PRELID2: variants seen among roughly 807,000 people sequenced by gnomAD.
PRELID2 encodes the protein PRELI domain containing 2, also known as PRELI domain-containing protein 2.
In PRELID2, 25 loss-of-function variants were observed where a neutral mutation model predicts 28.4. The observed-to-expected ratio is 0.88, with a 90% CI of 0.64 to 1.23. The LOEUF is 1.23. PRELID2 is among the 50% of genes most tolerant of loss of function. The pLI is 0.00. For synonymous variants in PRELID2, 76 were observed against 71.6 expected (o/e 1.06, Z -0.31); for missense variants, 201 against 214.4 (o/e 0.94, Z 0.39).
At chr5:145,561,234 T>C (rs1313708889) in intron 1 of PRELID2, among the ~76,000 whole-genome samples, 1 of 152,216 alleles carries the variant, frequency 6.6e-6, no homozygotes, top group African/African-American at 2.4e-5. Context: ...ATTCTTTGAA[T>C]GCAAATACAT....
At chr5:145,547,040 G>T (rs1461105396) in intron 1 of PRELID2, among the ~76,000 whole-genome samples, 1 of 152,176 alleles carries the variant, frequency 6.6e-6, no homozygotes. Context: ...TGTCTGATAT[G>T]TAGTAAATGC....
Position 145,696,421 on chromosome 5 carries a change from C to A in PRELID2, n.70+68510G>T, listed in dbSNP as rs62392311. On this transcript the variant is annotated intron_variant and non_coding_transcript_variant, in intron 1 of 2. Coordinates refer to the PRELID2 transcript ENST00000510259. ...GTTCGTTCATTCATTAATTTATTCA[C>A]CAATATGTCTTTGACCTACCTAAAC... Among the ~76,000 whole-genome samples the A allele has an allele frequency of 6.6e-4, 101 of 152,156 alleles. 1 individual carries two copies. Among genetic ancestry groups the A allele is most frequent in the East Asian group, 3.9e-4 (2 of 5,170 alleles).
the PRELID2 span, among the ~76,000 whole-genome samples, chr5:145,395,802 G>A: frequency 6.6e-6 from 1 of 152,078 alleles, no homozygotes; most frequent in Non-Finnish European, 1.5e-5. Context: ...TTGGAGTCAT[G>A]GAGCCTGGAC....
chr5:145,283,135 A>ACTT, the PRELID2 span, among the ~76,000 whole-genome samples: 1 of 152,164 alleles, frequency 6.6e-6, no homozygotes, highest in African/African-American at 2.4e-5. Context: ...GGGCTGCTAA[A>ACTT]CTTTAATTGG....
intron 1 of PRELID2, among the ~76,000 whole-genome samples, chr5:145,553,176 TA>T (rs1752851486): frequency 7.2e-6 from 1 of 139,726 alleles, no homozygotes; most frequent in South Asian, 2.3e-4. Flanking sequence ...TACCAGTTGC[TA>T]GAGGACCCCC....
At chr5:145,515,912 C>A (rs972011193) in intron 1 of PRELID2, among the ~76,000 whole-genome samples, 1 of 152,270 alleles carries the variant, frequency 6.6e-6, no homozygotes, top group Non-Finnish European at 1.5e-5. Flanking sequence ...TCAATAGATG[C>A]AGAAAAGGCC....
chr5:145,282,536 T>C, the PRELID2 span, among the ~76,000 whole-genome samples: 3 of 152,008 alleles, frequency 2.0e-5, no homozygotes, highest in Admixed American at 2.0e-4. Context: ...TTTTTCTTTT[T>C]TGAGACGGAG....
chr5:145,416,175 A>T, the PRELID2 span, among the ~76,000 whole-genome samples: 3 of 152,034 alleles, frequency 2.0e-5, no homozygotes, highest in Admixed American at 1.3e-4. Flanking sequence ...TAGATTCTGG[A>T]TATTAGCCCT....
intron 3 of PRELID2, chr5:145,819,630 A>C: frequency 1.7e-6 from 1 of 576,642 alleles, no homozygotes; most frequent in South Asian, 2.3e-5. Flanking sequence ...GATCATTCTC[A>C]CCTAAGAGTA....
At chr5:145,307,224 G>A in the PRELID2 span, among the ~76,000 whole-genome samples, 1 of 152,122 alleles carries the variant, frequency 6.6e-6, no homozygotes, top group Admixed American at 6.6e-5. Flanking sequence ...GGTATAGTTG[G>A]GGCAGTCATG....
intron 1 of PRELID2, among the ~76,000 whole-genome samples, chr5:145,480,419 G>A (rs145589528): frequency 2.8e-3 from 423 of 152,170 alleles, no homozygotes; most frequent in African/African-American, 9.6e-3. Context: ...GTGTTTCCTA[G>A]ATATTAACCA....
intron 1 of PRELID2, chr5:145,729,223 T>G: frequency 1.2e-6 from 1 of 859,572 alleles, no homozygotes; most frequent in Non-Finnish European, 1.9e-6. Context: ...CAGAATGCCC[T>G]GAATCTTACA....
At chr5:145,312,540 C>T in the PRELID2 span, among the ~76,000 whole-genome samples, 1 of 152,150 alleles carries the variant, frequency 6.6e-6, no homozygotes, top group South Asian at 2.1e-4. Context: ...CCTTGGTAAC[C>T]ATCGGTCTAC....
chr5:145,527,474 A>T (rs1251482666), intron 1 of PRELID2, among the ~76,000 whole-genome samples: 2 of 152,224 alleles, frequency 1.3e-5, no homozygotes, highest in African/African-American at 4.8e-5. Flanking sequence ...TTATCTCAAA[A>T]TAAAAAGGTT....
the PRELID2 span, among the ~76,000 whole-genome samples, chr5:145,232,859 A>G: frequency 6.6e-6 from 1 of 152,134 alleles, no homozygotes; most frequent in Non-Finnish European, 1.5e-5. Context: ...ATGAGATAAT[A>G]TACATATTAA....
At chr5:145,650,223 T>G (rs919874286) in intron 1 of PRELID2, among the ~76,000 whole-genome samples, 19 of 152,062 alleles carry the variant, frequency 1.2e-4, no homozygotes, top group Non-Finnish European at 2.9e-5. Flanking sequence ...CTGATGAGGA[T>G]TCTTAATGCT....
chr5:145,652,287 T>C (rs1321809589), intron 1 of PRELID2, among the ~76,000 whole-genome samples: 2 of 152,220 alleles, frequency 1.3e-5, no homozygotes, highest in Non-Finnish European at 2.9e-5. Flanking sequence ...TTGGCATACC[T>C]GAAAGTGACA....
At chr5:145,238,032 A>G in the PRELID2 span, among the ~76,000 whole-genome samples, 1 of 152,112 alleles carries the variant, frequency 6.6e-6, no homozygotes, top group Non-Finnish European at 1.5e-5. Flanking sequence ...GGCACCTGGC[A>G]TATGCCACAT....
chr5:145,708,973 A>G (rs530856974), intron 1 of PRELID2, among the ~76,000 whole-genome samples: 2 of 152,182 alleles, frequency 1.3e-5, no homozygotes, highest in African/African-American at 2.4e-5. Context: ...AACTACACAA[A>G]GGTTGTGAGA....
Sources: allele counts gnomAD v4.1 joint callset (sites outside exome capture counted in the v4.1 genomes callset), GRCh38; gene constraint gnomAD v4.1.1; transcripts MANE v1.5; gene names NCBI Gene and HGNC (gene_info 2026-07-23, HGNC 2026-07-21).